MMS22L: variants seen among roughly 807,000 people sequenced by gnomAD.
MMS22L encodes MMS22 like, DNA repair protein, also known as protein MMS22-like.
In MMS22L, 74 loss-of-function variants were observed where a neutral mutation model predicts 159.1. The ratio of observed to expected loss-of-function variants is 0.47; its 90% CI spans 0.39 to 0.56. The LOEUF (loss-of-function observed/expected upper bound fraction) is 0.56. Ranked by LOEUF, MMS22L falls within the 20% of genes least tolerant of loss-of-function variation. MMS22L has a pLI of 0.00. For synonymous variants in MMS22L, 517 were observed against 506.9 expected (o/e 1.02, Z -0.27); for missense variants, 1,351 against 1,422.1 (o/e 0.95, Z 0.80).
intron 4 of MMS22L, 80 bp from the exon 5 acceptor site, chr6:97,273,142 G>A (rs1815922145): frequency 9.3e-6 from 10 of 1,074,480 alleles, no homozygotes; most frequent in South Asian, 5.9e-5. Context: ...AAGCCATACC[G>A]GCAGCAATTC....
chr6:97,229,375 T>C lies in MMS22L; in HGVS notation c.1558A>G (p.Met520Val). 3 of 1,576,730 alleles carry C rather than the reference T, an allele frequency of 1.9e-6. No individual in the cohort carries two copies. The highest frequency in any genetic ancestry group is 2.6e-6 in the Non-Finnish European group (3 of 1,161,142). Residue 520 changes from methionine (M) to valine (V), a missense_variant, in exon 14 of 25, where the codon ATG becomes GTG. Physicochemically the swap from Met to Val is conservative, Grantham distance 21. Coordinates refer to ENST00000683635, the MANE Select transcript of MMS22L (RefSeq NM_001350599.2). ...RIYSKFHQKR[M>V]EELTEVGLQN... ...AGACCAACTTCAGTTAGTTCTTCCA[T>C]TCTTTTTTGATGGAATTTTGAATAT...
intron 5 of MMS22L, 30 bp downstream of exon 5, chr6:97,272,945 A>G: frequency 6.2e-7 from 1 of 1,606,988 alleles, no homozygotes; most frequent in Non-Finnish European, 8.5e-7. Context: ...AAATTCATGC[A>G]GTGATCAAAA....
At chr6:97,220,317 T>A (rs1167790483) in intron 14 of MMS22L, among the ~76,000 whole-genome samples, 3 of 152,198 alleles carry the variant, frequency 2.0e-5, no homozygotes, top group East Asian at 1.9e-4. Context: ...AAGACCATGA[T>A]AAGAAATGTG....
intron 11 of MMS22L, chr6:97,245,890 CATAT>C (rs1246759483): frequency 2.0e-4 from 24 of 121,404 alleles, no homozygotes; most frequent in African/African-American, 4.6e-4. Context: ...CACACACACA[CATAT>C]AAAGCAATAT....
chr6:97,275,113 G>A (rs1411139071), intron 4 of MMS22L, among the ~76,000 whole-genome samples: 2 of 152,156 alleles, frequency 1.3e-5, no homozygotes, highest in East Asian at 3.8e-4. Flanking sequence ...AAGCAACAAT[G>A]TGAAACCCAC....
intron 14 of MMS22L, among the ~76,000 whole-genome samples, chr6:97,192,167 CGGATGGAT>C (rs111699319): frequency 0.13 from 19,088 of 148,356 alleles, 1,899 homozygotes; most frequent in African/African-American, 0.28. Context: ...AGGTGGTAGA[CGGATGGAT>C]GGATGGATGG....
chr6:97,203,086 T>C (rs1425251089), intron 14 of MMS22L, among the ~76,000 whole-genome samples: 2 of 152,350 alleles, frequency 1.3e-5, no homozygotes, highest in Non-Finnish European at 2.9e-5. Flanking sequence ...CTTTTTGTTA[T>C]TGCACTACTA....
intron 18 of MMS22L, 48 bp downstream of exon 18, chr6:97,178,395 A>T: frequency 7.3e-7 from 1 of 1,376,034 alleles, no homozygotes. Context: ...TTTTTCTGAA[A>T]ATTAATTGTA....
chr6:97,199,334 T>C (rs1054756112), intron 14 of MMS22L, among the ~76,000 whole-genome samples: 8 of 152,154 alleles, frequency 5.3e-5, no homozygotes, highest in African/African-American at 1.9e-4. Flanking sequence ...AATGGTAATG[T>C]TGACTGATTA....
chr6:97,204,186 A>T (rs1807498388), intron 14 of MMS22L, among the ~76,000 whole-genome samples: 2 of 152,218 alleles, frequency 1.3e-5, no homozygotes, highest in South Asian at 4.1e-4. Context: ...TAAAATTTTC[A>T]AAGTGTTCCA....
intron 22 of MMS22L, among the ~76,000 whole-genome samples, chr6:97,157,501 C>T (rs999334389): frequency 6.6e-6 from 1 of 152,090 alleles, no homozygotes; most frequent in Non-Finnish European, 1.5e-5. Flanking sequence ...CCATCAATAC[C>T]TAGTTTATTG....
intron 10 of MMS22L, among the ~76,000 whole-genome samples, chr6:97,248,503 A>G (rs1416252951): frequency 6.6e-6 from 1 of 152,144 alleles, no homozygotes; most frequent in Admixed American, 6.5e-5. Flanking sequence ...TGACATACAC[A>G]AATAAAATGA....
intron 4 of MMS22L, among the ~76,000 whole-genome samples, chr6:97,274,265 A>G (rs529508221): frequency 1.3e-5 from 2 of 152,356 alleles, no homozygotes; most frequent in South Asian, 4.1e-4. Context: ...GTGGCAGAAT[A>G]GAAGCATAAG....
intron 9 of MMS22L, among the ~76,000 whole-genome samples, chr6:97,262,754 T>C (rs1311093416): frequency 6.6e-6 from 1 of 151,854 alleles, no homozygotes; most frequent in Non-Finnish European, 1.5e-5. Context: ...TACCCTTTCA[T>C]ATAACATAAA....
At chr6:97,261,975 C>A (rs1252704843) in intron 9 of MMS22L, 10 of 152,108 alleles carry the variant, frequency 6.6e-5, no homozygotes, top group Admixed American at 6.6e-4. Flanking sequence ...CACATAAGGG[C>A]TAGAATACAA....
In MMS22L at chr6:97,146,836, C is replaced by G. The variant is rs1800946201; in HGVS notation, c.3702G>C (p.Glu1234Asp). The change falls in exon 25 of 25, where the codon GAG becomes GAC. Residue 1234 changes from glutamate (E) to aspartate (D), a missense_variant. Transcript: ENST00000683635. ...TATTATCATTTTCCAGTCTCTGCAT[C>G]TCATCTTGTCCCATCTGTCCAAGGT... is the stretch of plus-strand genomic sequence containing the variant. The part of the protein sequence containing the change: ...LSHLGQMGQD[E>D]MQRLENDNT 2 of 1,575,992 alleles carry G rather than the reference C, an allele frequency of 1.3e-6. No homozygotes were observed. The highest frequency in any genetic ancestry group is 2.8e-5 in the African/African-American group (2 of 71,750).
chr6:97,235,259 C>T (rs929658069), intron 11 of MMS22L, among the ~76,000 whole-genome samples: 1 of 152,048 alleles, frequency 6.6e-6, no homozygotes, highest in Non-Finnish European at 1.5e-5. Flanking sequence ...CAGGTTTTTG[C>T]ATAAGGAAAT....
intron 4 of MMS22L, among the ~76,000 whole-genome samples, chr6:97,273,305 C>T (rs1374868585): frequency 1.3e-5 from 2 of 152,174 alleles, no homozygotes; most frequent in Non-Finnish European, 2.9e-5. Flanking sequence ...CCCACAGTAG[C>T]ACTAGCTACA....
chr6:97,231,569 C>T lies in MMS22L; in HGVS notation c.1386G>A (p.Val462=). The T allele has an allele frequency of 6.2e-7, 1 of 1,613,854 alleles. No homozygotes were observed. The highest frequency in any genetic ancestry group is 8.5e-7 in the Non-Finnish European group (1 of 1,179,846). The change falls in exon 13 of 25, where the codon GTG becomes GTA. Residue 462 remains valine (V), a synonymous_variant. Transcript: ENST00000683635. ...MKSPLSMLEM[V]KTCCCDKQDQ... ...CTTGTTTATCGCAACAGCAAGTCTT[C>T]ACCATTTCAAGCATAGACAAGGGTG...
Sources: allele counts gnomAD v4.1 joint callset (sites outside exome capture counted in the v4.1 genomes callset), GRCh38; gene constraint gnomAD v4.1.1; transcripts MANE v1.5; gene names NCBI Gene and HGNC (gene_info 2026-07-23, HGNC 2026-07-21).